Variants in ACOX1 observed in about 807,000 individuals in gnomAD.
ACOX1 encodes peroxisomal acyl-coenzyme A oxidase 1.
A neutral mutation model predicts 75.5 loss-of-function variants in ACOX1; 41 were observed. That is an observed-to-expected ratio of 0.54 (90% CI 0.42 to 0.70). The LOEUF (loss-of-function observed/expected upper bound fraction) is 0.70. Among genes scored for constraint, ACOX1 ranks in the 30% least tolerant of loss-of-function variants. ACOX1 has a pLI of 0.00. For synonymous variants in ACOX1, 303 were observed against 298.8 expected, an observed-to-expected ratio of 1.01 and a Z score of -0.15; for missense variants, 630 against 837.5, an observed-to-expected ratio of 0.75 and a Z score of 3.06.
chr17:75,977,293 G>A (rs1451212188), intron 2 of ACOX1, among the ~76,000 whole-genome samples: 1 of 152,014 alleles, frequency 6.6e-6, no homozygotes, highest in Non-Finnish European at 1.5e-5. Flanking sequence ...ACTGTGCCCG[G>A]CCCGAAGTCC....
chr17:75,965,051 C>T (rs1402686443), intron 2 of ACOX1, among the ~76,000 whole-genome samples: 1 of 151,996 alleles, frequency 6.6e-6, no homozygotes, highest in African/African-American at 2.4e-5. Flanking sequence ...AAAAAATTAA[C>T]AGCACTCAGG....
At chr17:75,955,501 T>G (rs538506820) in intron 6 of ACOX1, 65 bp downstream of exon 6, 12 of 1,294,724 alleles carry the variant, frequency 9.3e-6, no homozygotes, top group Admixed American at 1.7e-5. Flanking sequence ...TCTAACCCTA[T>G]TGTGAGTAAC....
chr17:75,967,635 C>CATATATATATACAT (rs113768541), intron 2 of ACOX1, among the ~76,000 whole-genome samples: 3 of 111,470 alleles, frequency 2.7e-5, no homozygotes, highest in African/African-American at 1.2e-4. Context: ...TATATACATA[C>CATATATATATACAT]ATATATATAC....
Position 75,978,743 on chromosome 17 carries a change from C to A in ACOX1, c.110-50G>T, listed in dbSNP as rs1319388153. On this transcript the variant is annotated intron_variant, in intron 1 of 13. Transcript: ENST00000293217. The surrounding 1 kb of genome is among the most constrained non-coding windows in gnomAD (Gnocchi z 4.2). ...AAAGGCAGACAGACACTCGGGCCTC[C>A]GTTCCACCCTCCCTGAATCACAATA... The A allele has an allele frequency of 7.4e-6, 12 of 1,612,306 alleles. No individual in the cohort carries two copies. Among genetic ancestry groups the A allele is most frequent in the Non-Finnish European group, 1.0e-5 (12 of 1,179,992 alleles).
chr17:75,967,619 C>CAT (rs147825726), intron 2 of ACOX1, among the ~76,000 whole-genome samples: 16 of 131,288 alleles, frequency 1.2e-4, no homozygotes, highest in South Asian at 4.5e-4. Flanking sequence ...TATATACATA[C>CAT]ATATATATAT....
At chr17:75,958,959 A>G (rs1298959652) in intron 3 of ACOX1, among the ~76,000 whole-genome samples, 1 of 152,184 alleles carries the variant, frequency 6.6e-6, no homozygotes, top group Non-Finnish European at 1.5e-5. Flanking sequence ...CTGCTGGTTC[A>G]TTAATGTGGC....
intron 2 of ACOX1, among the ~76,000 whole-genome samples, chr17:75,972,842 C>T (rs73357523): frequency 0.05 from 7,544 of 152,188 alleles, 208 homozygotes; most frequent in East Asian, 0.095. Context: ...AATTCACACA[C>T]TGAAATCAGC....
chr17:75,958,657 A>C (rs1648641224), intron 3 of ACOX1, among the ~76,000 whole-genome samples: 2 of 151,826 alleles, frequency 1.3e-5, no homozygotes, highest in Admixed American at 1.3e-4. Flanking sequence ...AAATACAAAA[A>C]ATTAGCTGGG....
intron 2 of ACOX1, among the ~76,000 whole-genome samples, chr17:75,961,093 G>A (rs2065883060): frequency 6.6e-6 from 1 of 152,028 alleles, no homozygotes; most frequent in African/African-American, 2.4e-5. Flanking sequence ...AGGAGTTCAA[G>A]ACCAGCCTGG....
chr17:75,955,535 T>G, intron 6 of ACOX1, 31 bp downstream of exon 6: 1 of 1,575,838 alleles, frequency 6.3e-7, no homozygotes, highest in Non-Finnish European at 8.7e-7. Flanking sequence ...CACTGTTTGA[T>G]GCCTCTGCTT....
At chr17:75,966,132 A>G (rs981831529) in intron 2 of ACOX1, among the ~76,000 whole-genome samples, 1 of 150,948 alleles carries the variant, frequency 6.6e-6, no homozygotes, top group African/African-American at 2.4e-5. Flanking sequence ...TCCATCTCGA[A>G]AAAGAAAAAA....
rs866671910 is a variant in ACOX1, at chr17:75,978,308, T to C, written c.269+226A>G. On this transcript the variant is annotated intron_variant, in intron 2 of 13. Transcript: ENST00000293217. This position sits in a 1 kb window ranked among gnomAD's most constrained non-coding sequence, Gnocchi z 4.2. ...TGGGGTTTCACCGTGTTAGCCAGAA[T>C]GGTCTCGATCTCCTGACTTGGTGAT... Among the ~76,000 whole-genome samples, 20 of 152,096 alleles carry C rather than the reference T, an allele frequency of 1.3e-4. No individual in the cohort carries two copies. The highest frequency in any genetic ancestry group is 4.6e-4 in the African/African-American group (19 of 41,386).
Position 75,967,627 on chromosome 17 carries a change from T to TAC in ACOX1, c.270-7253_270-7252insGT, listed in dbSNP as rs200479154. Among the ~76,000 whole-genome samples the TAC allele has an allele frequency of 1.0e-3, 91 of 87,398 alleles. 1 individual carries two copies. The highest frequency in any genetic ancestry group is 0.011 in the Middle Eastern group (2 of 174). 57.3% of individuals were successfully genotyped at this position (87,398 alleles called of 152,430 possible). On this transcript the variant is annotated intron_variant, in intron 2 of 13. Coordinates refer to ENST00000293217, the MANE Select transcript of ACOX1 (RefSeq NM_004035.7). ...ATATATATATATACATACATATATA[T>TAC]ATACATACATATATATACGTATATA... is the stretch of plus-strand genomic sequence containing the variant.
At chr17:75,967,635 CAT>C (rs113768541) in intron 2 of ACOX1, among the ~76,000 whole-genome samples, 22 of 111,470 alleles carry the variant, frequency 2.0e-4, no homozygotes, top group East Asian at 7.1e-4. Flanking sequence ...TATATACATA[CAT>C]ATATATACGT....
chr17:75,976,991 C>CTTTTTTTTTTTTTTTTTTTTTTTTTTT, intron 2 of ACOX1, among the ~76,000 whole-genome samples: 1 of 78,902 alleles, frequency 1.3e-5, no homozygotes, highest in Non-Finnish European at 2.4e-5. Context: ...GCAAAAAAGT[C>CTTTTTTTTTTTTTTTTTTTTTTTTTTT]TTTTTTTTTT....
rs867168801 is a variant in ACOX1, at chr17:75,965,357, C to A, written c.270-4982G>T. On this transcript the variant is annotated intron_variant, in intron 2 of 13. Coordinates refer to ENST00000293217, the MANE Select transcript of ACOX1 (RefSeq NM_004035.7). ...TGTCTCAAAAAAAAAAAAAAAAAAC[C>A]CAGAAAAAAGATAAATACCTAATAG... is the stretch of plus-strand genomic sequence containing the variant. 4.6e-4 allele frequency among the ~76,000 whole-genome samples: 65 copies of A among 142,404 alleles called. No homozygotes were observed. In the South Asian group the frequency reaches 0.013, roughly 29 times the overall value. 93.4% of individuals were successfully genotyped at this position (142,404 alleles called of 152,430 possible). A position where few individuals can be genotyped will look rare whatever the true frequency, so the allele number is the denominator to read the frequency against.
chr17:75,949,614 G>A lies in ACOX1; in HGVS notation c.1479-14C>T, dbSNP rs746306059. ...ATTTCTACTAATCTGTTAAGACATA[G>A]ATTGGAGGTCTGAGGAAATGATCAA... On this transcript the variant is annotated splice_polypyrimidine_tract_variant and intron_variant, in intron 10 of 13. Coordinates refer to ENST00000293217, the MANE Select transcript of ACOX1 (RefSeq NM_004035.7). 6.8e-6 allele frequency: 11 copies of A among 1,613,604 alleles called. No individual in the cohort carries two copies. Among genetic ancestry groups the A allele is most frequent in the Non-Finnish European group, 9.3e-6 (11 of 1,179,530 alleles).
chr17:75,947,743 CTT>C (rs373263466), intron 13 of ACOX1, among the ~76,000 whole-genome samples: 44 of 140,812 alleles, frequency 3.1e-4, no homozygotes, highest in East Asian at 8.3e-4. Flanking sequence ...GAGTTTTGCT[CTT>C]GTCACCCAGG....
chr17:75,971,108 A>G (rs1272146086), intron 2 of ACOX1, among the ~76,000 whole-genome samples: 1 of 152,054 alleles, frequency 6.6e-6, no homozygotes, highest in African/African-American at 2.4e-5. Context: ...CCTGACCAAC[A>G]TGGAGAAACC....
Sources: gnomAD v4.1 joint callset for allele counts (sites outside exome capture counted in the v4.1 genomes callset) on GRCh38, gnomAD v4.1.1 for gene constraint, Gnocchi (gnomAD v3.1) non-coding constraint, MANE v1.5 for transcripts, NCBI Gene and HGNC (gene_info 2026-07-23, HGNC 2026-07-21) for gene names.